Variants in HNRNPM observed in about 807,000 individuals in gnomAD.
HNRNPM encodes heterogeneous nuclear ribonucleoprotein M, also known as CEA receptor.
Under a neutral mutation model 73.1 loss-of-function variants are expected in HNRNPM, and 11 were observed. That is an observed-to-expected ratio of 0.15 (90% CI 0.09 to 0.25). The LOEUF is 0.25. Ranked by LOEUF, HNRNPM falls within the 10% of genes least tolerant of loss-of-function variation. The probability of loss-of-function intolerance (pLI) is 1.00; values close to 1 mark genes in which losing one functional copy is unlikely to be tolerated. For synonymous variants in HNRNPM, 407 were observed against 355.2 expected (o/e 1.15, Z -1.64); for missense variants, 789 against 1,067.9 (o/e 0.74, Z 3.64).
At chr19:8,478,199 T>C (rs545167472) in intron 12 of HNRNPM, among the ~76,000 whole-genome samples, 44 of 152,326 alleles carry the variant, frequency 2.9e-4, no homozygotes, top group African/African-American at 8.7e-4. Context: ...GATGGACTTA[T>C]GTTAGGTAGG....
At chr19:8,485,201 T>C (rs139742135) in intron 13 of HNRNPM, among the ~76,000 whole-genome samples, 2,419 of 152,206 alleles carry the variant, frequency 0.016, 36 homozygotes, top group Non-Finnish European at 0.021. Context: ...TCCTGTTCAT[T>C]ACCCTGGGTG....
chr19:8,487,170 C>T (rs751681168), intron 15 of HNRNPM, 95 bp downstream of exon 15: 32 of 1,035,748 alleles, frequency 3.1e-5, no homozygotes, highest in Non-Finnish European at 4.1e-5. Context: ...CCCCCTCCGT[C>T]GGCTCAGGAC....
At chr19:8,480,765 G>A (rs1464186740) in intron 12 of HNRNPM, among the ~76,000 whole-genome samples, 1 of 152,046 alleles carries the variant, frequency 6.6e-6, no homozygotes. Context: ...GCCTAATTCC[G>A]CTTTTTGGAG....
At chr19:8,479,053 A>G (rs900792405) in intron 12 of HNRNPM, among the ~76,000 whole-genome samples, 3 of 131,320 alleles carry the variant, frequency 2.3e-5, no homozygotes. Context: ...TGGCAGAGCA[A>G]TTTCCTCCTC....
At chr19:8,449,422 A>G (rs1010139198) in intron 1 of HNRNPM, among the ~76,000 whole-genome samples, 1 of 152,194 alleles carries the variant, frequency 6.6e-6, no homozygotes, top group African/African-American at 2.4e-5. Context: ...CTGGTTTGCT[A>G]GTTTTAAAGC....
intron 3 of HNRNPM, 37 bp from the exon 4 acceptor site, chr19:8,463,460 C>T (rs748631788): frequency 1.6e-5 from 26 of 1,610,010 alleles, no homozygotes; most frequent in Non-Finnish European, 2.2e-5. Flanking sequence ...TTTTCCCCTT[C>T]CTTGCTCTTC....
rs1379397915 is a variant in HNRNPM, at chr19:8,486,006, C to T, written c.1578C>T (p.Gly526=). 4 of 1,606,858 alleles carry T rather than the reference C, an allele frequency of 2.5e-6. No individual in the cohort carries two copies. The highest frequency in any genetic ancestry group is 1.7e-5 in the Admixed American group (1 of 59,922). Residue 526 remains glycine (G), a synonymous_variant, in exon 14 of 16, where the codon GGC becomes GGT. Transcript: ENST00000325495. ...TGGGCCCTGCCATCGAGCGCATGGG[C>T]CTGAGCATGGAGCGCATGGTGCCCG... ...ERMGPAIERM[G]LSMERMVPAG... is the part of the protein sequence containing the mutation.
intron 12 of HNRNPM, 36 bp downstream of exon 12, chr19:8,474,280 C>G (rs1970354333): frequency 6.8e-7 from 1 of 1,481,066 alleles, no homozygotes; most frequent in Non-Finnish European, 9.1e-7. Context: ...TTCACTCACC[C>G]TTTGCCGGCT....
chr19:8,477,111 C>T (rs1017968933), intron 12 of HNRNPM, among the ~76,000 whole-genome samples: 11 of 152,204 alleles, frequency 7.2e-5, no homozygotes. Context: ...GTGTTCATTA[C>T]ATCGCACCTA....
intron 1 of HNRNPM, among the ~76,000 whole-genome samples, chr19:8,445,752 C>G (rs897096558): frequency 7.9e-5 from 12 of 152,252 alleles, no homozygotes; most frequent in African/African-American, 2.4e-4. Flanking sequence ...AGTCCCTCGC[C>G]GTTTCCCGCT....
chr19:8,488,863 CT>C lies in HNRNPM; in HGVS notation c.*15del. The C allele has an allele frequency of 6.9e-6, 11 of 1,601,074 alleles. No individual in the cohort carries two copies. The highest frequency in any genetic ancestry group is 9.4e-6 in the Non-Finnish European group (11 of 1,170,292). The stretch of plus-strand genomic sequence containing the variant: ...TTGATAGAAACGCTTAAGCAGTTGC[CT>C]TTTTTAAACATCGATACGAGACCTC... On this transcript the variant is annotated 3_prime_UTR_variant, in exon 16 of 16. Transcript: ENST00000325495.
At chr19:8,460,478 G>A (rs1969325037) in intron 2 of HNRNPM, among the ~76,000 whole-genome samples, 1 of 152,178 alleles carries the variant, frequency 6.6e-6, no homozygotes, top group Non-Finnish European at 1.5e-5. Flanking sequence ...GGTAAAAAGA[G>A]GGAGAACGTT....
chr19:8,445,146 G>A, intron 1 of HNRNPM, 35 bp downstream of exon 1: 1 of 1,353,076 alleles, frequency 7.4e-7, no homozygotes, highest in Non-Finnish European at 9.6e-7. Flanking sequence ...ACGGGTAAGG[G>A]TTCCTCTCCG....
At chr19:8,487,162 C>T (rs1402656838) in intron 15 of HNRNPM, 87 bp downstream of exon 15, 3 of 1,134,696 alleles carry the variant, frequency 2.6e-6, no homozygotes, top group Non-Finnish European at 4.0e-6. Flanking sequence ...CCTCCCAGCC[C>T]CCTCCGTCGG....
At chr19:8,458,602 G>A (rs1305259899) in intron 2 of HNRNPM, among the ~76,000 whole-genome samples, 2 of 152,246 alleles carry the variant, frequency 1.3e-5, no homozygotes, top group African/African-American at 2.4e-5. Flanking sequence ...TAGAGCCCAG[G>A]TTGAGGAAGA....
chr19:8,464,196 G>C (rs1216512418), intron 5 of HNRNPM, among the ~76,000 whole-genome samples: 9 of 151,870 alleles, frequency 5.9e-5, no homozygotes, highest in Admixed American at 5.9e-4. Context: ...AGTGAGCTGA[G>C]ATTGCACCAT....
rs1230390585 is a variant in HNRNPM, at chr19:8,455,564, T to C, written c.273T>C (p.Val91=). The change falls in exon 2 of 16, where the codon GTT becomes GTC. Residue 91 remains valine, a synonymous_variant. Coordinates refer to ENST00000325495, the MANE Select transcript of HNRNPM (RefSeq NM_005968.5). ...DVKWQSLKDL[V]KEKVGEVTYV... is the part of the protein sequence containing the mutation. Reference sequence around the variant, plus strand: ...AATGGCAGTCACTTAAAGACCTGGTTAAAGAAAAAGGTAATGGTACTGGTG... The same window carrying C: ...AATGGCAGTCACTTAAAGACCTGGTCAAAGAAAAAGGTAATGGTACTGGTG... 2.5e-6 allele frequency: 4 copies of C among 1,612,620 alleles called. No homozygotes were observed. The highest frequency in any genetic ancestry group is 3.4e-6 in the Non-Finnish European group (4 of 1,179,302).
Position 8,485,655 on chromosome 19 carries a change from C to T in HNRNPM, c.1227C>T (p.Asp409=), listed in dbSNP as rs1270860862. ...PGIERMGPGI[D]RLGGAGMERM... is the part of the protein sequence containing the mutation. Reference sequence around the variant, plus strand: ...TCGAGAGGATGGGTCCTGGCATTGACCGCCTCGGGGGTGCCGGCATGGAGC... The same window carrying T: ...TCGAGAGGATGGGTCCTGGCATTGATCGCCTCGGGGGTGCCGGCATGGAGC... The change falls in exon 14 of 16, where the codon GAC becomes GAT. Residue 409 remains aspartate, a synonymous_variant. Transcript: ENST00000325495. 2 of 1,607,688 alleles carry T rather than the reference C, an allele frequency of 1.2e-6. No homozygotes were observed. Among genetic ancestry groups the T allele is most frequent in the Non-Finnish European group, 1.7e-6 (2 of 1,179,282 alleles).
chr19:8,475,905 C>CTT (rs71175865), intron 12 of HNRNPM, among the ~76,000 whole-genome samples: 44 of 114,370 alleles, frequency 3.8e-4, no homozygotes, highest in African/African-American at 1.2e-3. Flanking sequence ...CCATCTCTCT[C>CTT]TTTTTTTTTT....
Sources: allele counts gnomAD v4.1 joint callset (sites outside exome capture counted in the v4.1 genomes callset), GRCh38; gene constraint gnomAD v4.1.1; transcripts MANE v1.5; gene names NCBI Gene and HGNC (gene_info 2026-07-23, HGNC 2026-07-21).